Variants in SLC6A19 observed in about 807,000 individuals in gnomAD.
SLC6A19 encodes sodium-dependent neutral amino acid transporter B(0)AT1.
Under a neutral mutation model 68.3 loss-of-function variants are expected in SLC6A19, and 67 were observed. That is an observed-to-expected ratio of 0.98 (90% CI 0.81 to 1.20). SLC6A19 has a LOEUF of 1.20. Ranked by LOEUF, SLC6A19 falls within the 50% of genes most tolerant of loss-of-function variation. The pLI is 0.00. For synonymous variants in SLC6A19, 392 were observed against 374.9 expected, an observed-to-expected ratio of 1.05 and a Z score of -0.53; for missense variants, 813 against 851.6, an observed-to-expected ratio of 0.95 and a Z score of 0.56.
chr5:1,213,991 G>A lies in SLC6A19; in HGVS notation c.813G>A (p.Ala271=), dbSNP rs113308807. Residue 271 remains alanine, a synonymous_variant, in exon 6 of 12, where the codon GCG becomes GCA. Transcript: ENST00000304460. ...ELAQPDTWLD[A]GAQVFFSFSL... ...CCCAGCCGGACACCTGGCTGGACGCGGGCGCACAGGTCTTCTTCTCCTTCT... is the reference window on the plus strand; with the variant it reads ...CCCAGCCGGACACCTGGCTGGACGCAGGCGCACAGGTCTTCTTCTCCTTCT... The A allele has an allele frequency of 2.0e-4, 317 of 1,613,596 alleles. No individual in the cohort carries two copies. The African/African-American group carries it at 2.3e-3, about 12-fold the overall frequency.
At position 1,210,059 on chromosome 5, in the gene SLC6A19, C is replaced by T. The variant is rs566494253; in HGVS notation, c.344-385C>T. 3.5e-4 allele frequency among the ~76,000 whole-genome samples: 54 copies of T among 152,382 alleles called. 1 individual carries two copies. The highest frequency in any genetic ancestry group is 3.2e-3 in the Admixed American group (49 of 15,312). On this transcript the variant is annotated intron_variant, in intron 2 of 11. Coordinates refer to ENST00000304460, the MANE Select transcript of SLC6A19 (RefSeq NM_001003841.3). Reference sequence around the variant, plus strand: ...CAGGGCCAAGTGGGCAGTCCCCCAGCCCGTAGGCAGCAACCAGGCTACTGG... The same window carrying T: ...CAGGGCCAAGTGGGCAGTCCCCCAGTCCGTAGGCAGCAACCAGGCTACTGG...
chr5:1,211,634 T>C (rs1579512044), intron 3 of SLC6A19, among the ~76,000 whole-genome samples: 5 of 152,018 alleles, frequency 3.3e-5, no homozygotes, highest in Admixed American at 2.0e-4. Context: ...ATGTGTGCTA[T>C]GTGTGTGCTG....
At chr5:1,211,766 T>C (rs1445196436) in intron 3 of SLC6A19, among the ~76,000 whole-genome samples, 1 of 151,796 alleles carries the variant, frequency 6.6e-6, no homozygotes, top group Admixed American at 6.6e-5. Context: ...GCTGTGTGTG[T>C]ACATGCATGT....
At chr5:1,202,320 G>A (rs889416311) in intron 1 of SLC6A19, among the ~76,000 whole-genome samples, 10 of 152,322 alleles carry the variant, frequency 6.6e-5, no homozygotes, top group Non-Finnish European at 1.2e-4. Flanking sequence ...GTGGGTAGCC[G>A]GAGCCTGTGG....
intron 3 of SLC6A19, among the ~76,000 whole-genome samples, chr5:1,211,499 G>A (rs1746027992): frequency 6.6e-6 from 1 of 152,254 alleles, no homozygotes; most frequent in African/African-American, 2.4e-5. Context: ...CCTGACTGTT[G>A]GGGCTGGAGC....
intron 1 of SLC6A19, among the ~76,000 whole-genome samples, chr5:1,202,438 G>A (rs1745734315): frequency 1.3e-5 from 2 of 152,184 alleles, no homozygotes; most frequent in South Asian, 2.1e-4. Flanking sequence ...GGCTCCTGCG[G>A]CCCAGGTAGG....
At chr5:1,202,678 G>A (rs1186436847) in intron 1 of SLC6A19, among the ~76,000 whole-genome samples, 2 of 123,808 alleles carry the variant, frequency 1.6e-5, no homozygotes, top group Non-Finnish European at 3.6e-5. Context: ...CTGCTGCCCT[G>A]GGGCAGTTCA....
chr5:1,201,802 G>A lies in SLC6A19; in HGVS notation c.152G>A (p.Gly51Asp). 16 of 1,612,522 alleles carry A rather than the reference G, an allele frequency of 9.9e-6. No homozygotes were observed. The highest frequency in any genetic ancestry group is 1.4e-5 in the Non-Finnish European group (16 of 1,179,894). Residue 51 changes from glycine (G) to aspartate (D), a missense_variant, in exon 1 of 12, where the codon GGC becomes GAC. Physicochemically the swap from Gly to Asp is moderately conservative, Grantham distance 94. Transcript: ENST00000304460. ...YMLTCLGFCV[G>D]LGNVWRFPYL... is the part of the protein sequence containing the mutation. ...CTCACCTGCCTGGGCTTCTGCGTGG[G>A]CCTCGGCAACGTGTGGCGCTTCCCC...
chr5:1,213,156 C>A lies in SLC6A19; in HGVS notation c.664-307C>A, dbSNP rs1195705490. 2.7e-4 allele frequency among the ~76,000 whole-genome samples: 36 copies of A among 132,038 alleles called. 1 individual carries two copies. Among genetic ancestry groups the A allele is most frequent in the African/African-American group, 7.9e-4 (27 of 34,180 alleles). 86.6% of individuals were successfully genotyped at this position (132,038 alleles called of 152,430 possible). A position where few individuals can be genotyped will look rare whatever the true frequency, so the allele number is the denominator to read the frequency against. On this transcript the variant is annotated intron_variant, in intron 4 of 11. Coordinates refer to ENST00000304460, the MANE Select transcript of SLC6A19 (RefSeq NM_001003841.3). ...CCCCAACCCCTGTAGGCCTGGCCCC[C>A]CTCCGCACCATCCCACATACCCGGA... is the stretch of plus-strand genomic sequence containing the variant.
intron 9 of SLC6A19, 63 bp downstream of exon 9, chr5:1,219,170 G>A (rs1394116573): frequency 7.9e-6 from 12 of 1,516,818 alleles, no homozygotes; most frequent in Middle Eastern, 1.8e-4. Flanking sequence ...GGCAGCCCCC[G>A]GCTGTGTGAA....
At chr5:1,204,498 C>G (rs773200840) in intron 1 of SLC6A19, among the ~76,000 whole-genome samples, 12 of 152,224 alleles carry the variant, frequency 7.9e-5, no homozygotes, top group Non-Finnish European at 1.3e-4. Context: ...GGGCTCACCC[C>G]ACTCACCCCC....
chr5:1,222,486 G>T lies in SLC6A19; in HGVS notation c.*582G>T. The T allele has an allele frequency of 2.3e-6, 1 of 427,946 alleles. No homozygotes were observed. Among genetic ancestry groups the T allele is most frequent in the East Asian group, 3.3e-5 (1 of 30,574 alleles). 26.5% of individuals were successfully genotyped at this position (427,946 alleles called of 1,614,324 possible). ...CAAGTATATATGCACATGTGTATAT[G>T]TACATGTATGCCTGTGTGACGTGTG... On this transcript the variant is annotated 3_prime_UTR_variant, in exon 12 of 12. Transcript: ENST00000304460.
chr5:1,218,806 C>G (rs1163825967), intron 8 of SLC6A19, 97 bp from the exon 9 acceptor site: 2 of 1,277,570 alleles, frequency 1.6e-6, no homozygotes, highest in African/African-American at 1.5e-5. Flanking sequence ...CTGCCCGCCC[C>G]ATGCTGCGTG....
Position 1,208,730 on chromosome 5 carries a change from A to C in SLC6A19, c.203-16A>C. On this transcript the variant is annotated splice_polypyrimidine_tract_variant and intron_variant, in intron 1 of 11. Coordinates refer to ENST00000304460, the MANE Select transcript of SLC6A19 (RefSeq NM_001003841.3). ...CGGGAACGGCTCTCAGGCATGGTGG[A>C]CTCCTCCCATTGCAGGAGCCTTCAT... 6.2e-7 allele frequency: 1 copy of C among 1,612,522 alleles called. No individual in the cohort carries two copies. The highest frequency in any genetic ancestry group is 8.5e-7 in the Non-Finnish European group (1 of 1,179,780).
intron 8 of SLC6A19, among the ~76,000 whole-genome samples, chr5:1,217,479 A>T (rs879701145): frequency 6.6e-6 from 1 of 152,204 alleles, no homozygotes; most frequent in Non-Finnish European, 1.5e-5. Flanking sequence ...GCTGATTTTC[A>T]TTATGCAGTG....
Position 1,219,566 on chromosome 5 carries a change from C to T in SLC6A19, c.1440C>T (p.Tyr480=), listed in dbSNP as rs748208548. The change falls in exon 10 of 12, where the codon TAC becomes TAT. Residue 480 remains tyrosine (Y), a synonymous_variant. Coordinates refer to ENST00000304460, the MANE Select transcript of SLC6A19 (RefSeq NM_001003841.3). ...GFIFTLNSGQ[Y]WLSLLDSYAG... ...TCTTCACGCTGAACTCCGGCCAGTA[C>T]TGGCTCTCCCTGCTGGACAGCTATG... 2.5e-5 allele frequency: 40 copies of T among 1,612,158 alleles called. No homozygotes were observed. The highest frequency in any genetic ancestry group is 3.3e-5 in the Non-Finnish European group (39 of 1,180,044).
rs1394583240 is a variant in SLC6A19, at chr5:1,212,917, C to T, written c.663+433C>T. 2.0e-5 allele frequency among the ~76,000 whole-genome samples: 3 copies of T among 151,954 alleles called. No homozygotes were observed. The highest frequency in any genetic ancestry group is 4.4e-5 in the Non-Finnish European group (3 of 67,946). ...TCCCTTTCTTCTGGTGGGCCGGCAGCCTGTGAGGCCCTGTCCCCGTTCCCA... is the reference window on the plus strand; with the variant it reads ...TCCCTTTCTTCTGGTGGGCCGGCAGTCTGTGAGGCCCTGTCCCCGTTCCCA... On this transcript the variant is annotated intron_variant, in intron 4 of 11. Transcript: ENST00000304460. This position sits in a 1 kb window ranked among gnomAD's most constrained non-coding sequence, Gnocchi z 5.1.
intron 1 of SLC6A19, among the ~76,000 whole-genome samples, chr5:1,205,195 C>T (rs953227620): frequency 2.0e-5 from 3 of 152,228 alleles, no homozygotes; most frequent in African/African-American, 7.2e-5. Flanking sequence ...CAGGCAGAGC[C>T]ACGCAGTGTT....
Position 1,212,609 on chromosome 5 carries a change from C to T in SLC6A19, c.663+125C>T. 1.6e-6 allele frequency: 2 copies of T among 1,249,610 alleles called. No homozygotes were observed. 77.4% of individuals were successfully genotyped at this position (1,249,610 alleles called of 1,614,324 possible). On this transcript the variant is annotated intron_variant, in intron 4 of 11. Coordinates refer to ENST00000304460, the MANE Select transcript of SLC6A19 (RefSeq NM_001003841.3). The surrounding 1 kb of genome is among the most constrained non-coding windows in gnomAD (Gnocchi z 5.1). ...CCGGGCTCTGCCTTTCCCCAGACCC[C>T]ACCAAGAGAGCTGCCTTTGCCCTTA...
Sources: allele counts gnomAD v4.1 joint callset (sites outside exome capture counted in the v4.1 genomes callset), GRCh38; gene constraint gnomAD v4.1.1; non-coding constraint Gnocchi (gnomAD v3.1); transcripts MANE v1.5; gene names NCBI Gene and HGNC (gene_info 2026-07-23, HGNC 2026-07-21).